Variants in DOK6 observed in about 807,000 individuals in gnomAD.
The protein encoded by DOK6 is downstream of tyrosine kinase 6.
A neutral mutation model predicts 44.0 loss-of-function variants in DOK6; 22 were observed. The ratio of observed to expected loss-of-function variants is 0.50; its 90% CI spans 0.36 to 0.71. The LOEUF is 0.71. Ranked by LOEUF, DOK6 falls within the 30% of genes least tolerant of loss-of-function variation. The probability of loss-of-function intolerance (pLI) is 0.00; values close to 1 mark genes in which losing one functional copy is unlikely to be tolerated. For synonymous variants in DOK6, 166 were observed against 145.5 expected, an observed-to-expected ratio of 1.14 and a Z score of -1.01; for missense variants, 340 against 416.4, an observed-to-expected ratio of 0.82 and a Z score of 1.60.
intron 7 of DOK6, among the ~76,000 whole-genome samples, chr18:69,779,722 ATG>A (rs968278018): frequency 3.6e-5 from 5 of 139,078 alleles, no homozygotes; most frequent in African/African-American, 1.1e-4. Context: ...GTGTGTGTGC[ATG>A]TGTGTGTATT....
chr18:69,452,397 G>A (rs1388887915), intron 1 of DOK6, among the ~76,000 whole-genome samples: 3 of 142,122 alleles, frequency 2.1e-5, no homozygotes, highest in South Asian at 4.6e-4. Flanking sequence ...CCAATAACAG[G>A]AGCTGAAATT....
intron 7 of DOK6, among the ~76,000 whole-genome samples, chr18:69,779,078 G>A (rs1980171496): frequency 6.6e-6 from 1 of 152,104 alleles, no homozygotes; most frequent in African/African-American, 2.4e-5. Context: ...TTGCCATCAA[G>A]ATAATTTCTA....
chr18:69,759,549 A>G (rs535727590), intron 7 of DOK6, among the ~76,000 whole-genome samples: 1 of 152,040 alleles, frequency 6.6e-6, no homozygotes, highest in African/African-American at 2.4e-5. Context: ...CAGAAAATAA[A>G]AACTCTTGTT....
intron 1 of DOK6, among the ~76,000 whole-genome samples, chr18:69,401,931 C>T (rs1173060097): frequency 2.0e-5 from 3 of 152,200 alleles, no homozygotes; most frequent in African/African-American, 4.8e-5. Flanking sequence ...TGCTCCGTGA[C>T]GGCAAAGTTG....
At chr18:69,565,511 GTGTGTGTGTGTATATA>G (rs756589053) in intron 2 of DOK6, among the ~76,000 whole-genome samples, 5,530 of 48,450 alleles carry the variant, frequency 0.11, 145 homozygotes, top group Admixed American at 0.21. Context: ...GTGTGTGTGT[GTGTGTGTGTGTATATA>G]TATATACATA....
In DOK6 at chr18:69,402,196, C is replaced by T. The variant is rs1039584108; in HGVS notation, c.66+886C>T. 2.0e-5 allele frequency among the ~76,000 whole-genome samples: 3 copies of T among 152,146 alleles called. No individual in the cohort carries two copies. The South Asian group carries it at 6.2e-4, about 32-fold the overall frequency. ...GGGTGGCCTGGGAGGCTGACCCCGGCTGGCTGGTCCAGAAAAGCGAGGGGA... is the reference window on the plus strand; with the variant it reads ...GGGTGGCCTGGGAGGCTGACCCCGGTTGGCTGGTCCAGAAAAGCGAGGGGA... On this transcript the variant is annotated intron_variant, in intron 1 of 7. Coordinates refer to ENST00000382713, the MANE Select transcript of DOK6 (RefSeq NM_152721.6).
intron 5 of DOK6, among the ~76,000 whole-genome samples, chr18:69,738,260 T>A (rs567250456): frequency 2.6e-5 from 4 of 152,378 alleles, no homozygotes; most frequent in African/African-American, 9.6e-5. Flanking sequence ...AATCGCTTGA[T>A]GTTGTAATCT....
chr18:69,788,832 C>T (rs899753796), intron 7 of DOK6, among the ~76,000 whole-genome samples: 1 of 152,080 alleles, frequency 6.6e-6, no homozygotes, highest in African/African-American at 2.4e-5. Context: ...AAAAATTGGT[C>T]CAGCTGCCCT....
chr18:69,548,310 C>T lies in DOK6; in HGVS notation c.67-16177C>T, dbSNP rs184335627. Among the ~76,000 whole-genome samples the T allele has an allele frequency of 7.6e-3, 1,152 of 151,564 alleles. 44 individuals carry two copies. Among genetic ancestry groups the T allele is most frequent in the Admixed American group, 0.012 (179 of 15,182 alleles). On this transcript the variant is annotated intron_variant, in intron 1 of 7. Transcript: ENST00000382713. Reference sequence around the variant, plus strand: ...TTGACGGACACTTAGGTTGATTCTACATCTTGCTATTGTGAACAGGGGGCA... The same window carrying T: ...TTGACGGACACTTAGGTTGATTCTATATCTTGCTATTGTGAACAGGGGGCA...
At chr18:69,519,709 T>C (rs1981634395) in intron 1 of DOK6, among the ~76,000 whole-genome samples, 2 of 151,986 alleles carry the variant, frequency 1.3e-5, no homozygotes, top group African/African-American at 4.8e-5. Flanking sequence ...GAATCTTCAG[T>C]AGTGACATTA....
Position 69,841,684 on chromosome 18 carries a change from T to G in DOK6, c.*301T>G. ...CTGACAGTAACAGAAACCTCAGCAC[T>G]GGGAAAAGTTGCCCACACTGGGGTA... On this transcript the variant is annotated 3_prime_UTR_variant, in exon 8 of 8. Transcript: ENST00000382713. 1 of 296,824 alleles carries G rather than the reference T, an allele frequency of 3.4e-6. No homozygotes were observed. The highest frequency in any genetic ancestry group is 6.4e-6 in the Non-Finnish European group (1 of 155,816). 18.4% of individuals were successfully genotyped at this position (296,824 alleles called of 1,614,324 possible). A position where few individuals can be genotyped will look rare whatever the true frequency, so the allele number is the denominator to read the frequency against.
At chr18:69,709,129 C>T (rs983353666) in intron 5 of DOK6, among the ~76,000 whole-genome samples, 1 of 152,066 alleles carries the variant, frequency 6.6e-6, no homozygotes, top group African/African-American at 2.4e-5. Context: ...TTTAAGGGGA[C>T]TTTTCAAAGC....
chr18:69,516,188 C>G (rs1333122738), intron 1 of DOK6, among the ~76,000 whole-genome samples: 1 of 152,060 alleles, frequency 6.6e-6, no homozygotes, highest in African/African-American at 2.4e-5. Flanking sequence ...TGTGCTATCT[C>G]CAAGAATGTT....
At chr18:69,700,543 T>G (rs1390789341) in intron 5 of DOK6, among the ~76,000 whole-genome samples, 4 of 152,166 alleles carry the variant, frequency 2.6e-5, no homozygotes, top group South Asian at 2.1e-4. Flanking sequence ...TGGTATCTAT[T>G]TTTTTCCCTC....
At chr18:69,514,367 A>T (rs972824330) in intron 1 of DOK6, among the ~76,000 whole-genome samples, 1 of 152,188 alleles carries the variant, frequency 6.6e-6, no homozygotes, top group Non-Finnish European at 1.5e-5. Flanking sequence ...TGCCTGACGT[A>T]CTATATCGAT....
rs756117990 is a variant in DOK6, at chr18:69,442,554, C to T, written c.66+41244C>T. ...GCCCCCATGATCTAATCACCTCCCA[C>T]GAGGCCCCTCCCGCAACATGTGGGG... On this transcript the variant is annotated intron_variant, in intron 1 of 7. Transcript: ENST00000382713. Among the ~76,000 whole-genome samples the T allele has an allele frequency of 1.2e-4, 19 of 152,158 alleles. 1 individual carries two copies. The highest frequency in any genetic ancestry group is 2.7e-4 in the African/African-American group (11 of 41,442).
intron 4 of DOK6, among the ~76,000 whole-genome samples, chr18:69,691,514 A>C (rs2144696622): frequency 6.6e-6 from 1 of 152,274 alleles, no homozygotes; most frequent in East Asian, 1.9e-4. Flanking sequence ...GTGCTACCCA[A>C]GCTGGTACCT....
chr18:69,801,129 GTTTTGTTTTA>G (rs1262642493), intron 7 of DOK6, among the ~76,000 whole-genome samples: 4 of 97,506 alleles, frequency 4.1e-5, no homozygotes, highest in African/African-American at 9.7e-5. Flanking sequence ...GTTTTGTTTT[GTTTTGTTTTA>G]GTGACTCATG....
intron 1 of DOK6, among the ~76,000 whole-genome samples, chr18:69,482,192 T>C (rs1980445140): frequency 6.6e-6 from 1 of 152,188 alleles, no homozygotes; most frequent in Non-Finnish European, 1.5e-5. Context: ...ACTCTGATGG[T>C]AGTTTCTTTT....
Sources: gnomAD v4.1 joint callset for allele counts (sites outside exome capture counted in the v4.1 genomes callset) on GRCh38, gnomAD v4.1.1 for gene constraint, MANE v1.5 for transcripts, NCBI Gene and HGNC (gene_info 2026-07-23, HGNC 2026-07-21) for gene names.